Variants in MFN1 observed in about 807,000 individuals in gnomAD.
The protein encoded by MFN1 is mitofusin 1, also known as mitofusin-1.
A neutral mutation model predicts 92.4 loss-of-function variants in MFN1; 65 were observed. The observed-to-expected ratio is 0.70, with a 90% CI of 0.58 to 0.86. The LOEUF (loss-of-function observed/expected upper bound fraction) is 0.86, where lower values mean the gene tolerates loss of function less well. MFN1 is among the 40% of genes least tolerant of loss of function. The pLI is 0.00. For missense variants in MFN1, 781 were observed against 868.0 expected, an observed-to-expected ratio of 0.90 and a Z score of 1.26; for synonymous variants, 297 against 300.9, an observed-to-expected ratio of 0.99 and a Z score of 0.13.
rs887145451 is a variant in MFN1, at chr3:179,381,311, CTTA to C, written c.1662+2502_1662+2504del. Reference sequence around the variant, plus strand: ...TTTAAAAGGCCATTCAGCACAATGTCTTATTATGCCGAGAGGACCCACTTCTTG... The same window carrying C: ...TTTAAAAGGCCATTCAGCACAATGTCTTATGCCGAGAGGACCCACTTCTTG... On this transcript the variant is annotated intron_variant, in intron 14 of 17. Transcript: ENST00000471841. Among the ~76,000 whole-genome samples, 6 of 152,334 alleles carry C rather than the reference CTTA, an allele frequency of 3.9e-5. No individual in the cohort carries two copies. The South Asian group carries it at 8.3e-4, about 21-fold the overall frequency.
intron 16 of MFN1, among the ~76,000 whole-genome samples, chr3:179,387,619 A>G (rs1713739912): frequency 9.7e-6 from 1 of 102,626 alleles, no homozygotes; most frequent in African/African-American, 3.9e-5. Flanking sequence ...TTTTTCTGAG[A>G]TGGAGTCTCA....
intron 3 of MFN1, among the ~76,000 whole-genome samples, chr3:179,357,490 G>C (rs187917662): frequency 5.8e-4 from 88 of 152,278 alleles, no homozygotes; most frequent in Non-Finnish European, 1.1e-3. Context: ...AGGCAAGAAG[G>C]TTCCCTGGGA....
chr3:179,372,820 TA>T (rs1375818971), intron 9 of MFN1, among the ~76,000 whole-genome samples: 1 of 152,208 alleles, frequency 6.6e-6, no homozygotes, highest in Non-Finnish European at 1.5e-5. Context: ...TTTTTCCTTT[TA>T]AAAATATTTT....
intron 15 of MFN1, 79 bp downstream of exon 15, chr3:179,385,800 A>T (rs1713665236): frequency 7.5e-7 from 1 of 1,327,438 alleles, no homozygotes; most frequent in Admixed American, 2.0e-5. Context: ...GAAAAGGTAT[A>T]CAGTATTTAC....
At chr3:179,388,358 A>G (rs556114383) in intron 16 of MFN1, among the ~76,000 whole-genome samples, 2 of 152,358 alleles carry the variant, frequency 1.3e-5, no homozygotes, top group African/African-American at 2.4e-5. Flanking sequence ...GTTCAAATGT[A>G]TACGTTAAAT....
chr3:179,374,043 T>G (rs1264153760), intron 9 of MFN1, among the ~76,000 whole-genome samples: 1 of 151,418 alleles, frequency 6.6e-6, no homozygotes, highest in Non-Finnish European at 1.5e-5. Flanking sequence ...TGGCTCACTC[T>G]TGTAATCCTA....
chr3:179,364,613 T>TA (rs1200951438), intron 6 of MFN1, among the ~76,000 whole-genome samples: 2 of 152,196 alleles, frequency 1.3e-5, no homozygotes, highest in Non-Finnish European at 2.9e-5. Context: ...TCTAGCAGTA[T>TA]AGGGCTTGAT....
At chr3:179,351,848 C>A in intron 2 of MFN1, 52 bp from the exon 3 acceptor site, 2 of 1,520,278 alleles carry the variant, frequency 1.3e-6, no homozygotes, top group Non-Finnish European at 1.8e-6. Flanking sequence ...CATTATATAA[C>A]TAACTTAATA....
chr3:179,386,538 G>A lies in MFN1; in HGVS notation c.1921G>A (p.Ala641Thr). The A allele has an allele frequency of 1.2e-6, 2 of 1,614,070 alleles. No individual in the cohort carries two copies. The highest frequency in any genetic ancestry group is 1.7e-6 in the Non-Finnish European group (2 of 1,179,982). ...CTGGACCACCCATGCCAAGGAGCGAGCCTTTAAACAGCAGTTTGTAAACTA... is the reference window on the plus strand; with the variant it reads ...CTGGACCACCCATGCCAAGGAGCGAACCTTTAAACAGCAGTTTGTAAACTA... ...LSWTTHAKER[A>T]FKQQFVNYAT... is the part of the protein sequence containing the mutation. Residue 641 changes from alanine (A) to threonine (T), a missense_variant, in exon 16 of 18, where the codon GCC (alanine) becomes ACC (threonine). Transcript: ENST00000471841.
At chr3:179,357,283 T>G (rs1310949227) in intron 3 of MFN1, among the ~76,000 whole-genome samples, 1 of 152,204 alleles carries the variant, frequency 6.6e-6, no homozygotes, top group East Asian at 1.9e-4. Flanking sequence ...GCCTGATTAT[T>G]AATGAGCTAC....
rs575310683 is a variant in MFN1, at chr3:179,362,421, C to T, written c.475C>T (p.Arg159Cys). The T allele has an allele frequency of 9.9e-5, 159 of 1,613,608 alleles. No homozygotes were observed. Among genetic ancestry groups the T allele is most frequent in the East Asian group, 2.7e-4 (12 of 44,880 alleles). Reference protein sequence around the residue: ...DKDLKAGCLVRVFWPKAKCAL... With the variant: ...DKDLKAGCLVCVFWPKAKCAL... ...AGATTTGAAAGCTGGCTGTCTTGTACGTGTGTTTTGGCCAAAAGCAAAATG... is the reference window on the plus strand; with the variant it reads ...AGATTTGAAAGCTGGCTGTCTTGTATGTGTGTTTTGGCCAAAAGCAAAATG... Residue 159 changes from arginine to cysteine, a missense_variant, in exon 5 of 18, where the codon CGT (arginine) becomes TGT (cysteine). By Grantham distance (180) the Arg-to-Cys change is radical. Coordinates refer to ENST00000471841, the MANE Select transcript of MFN1 (RefSeq NM_033540.3).
chr3:179,391,412 AGCC>A (rs1251434804), intron 17 of MFN1, among the ~76,000 whole-genome samples: 2 of 152,190 alleles, frequency 1.3e-5, no homozygotes, highest in African/African-American at 4.8e-5. Flanking sequence ...GATTAGGCTC[AGCC>A]ATTTGGATAG....
intron 4 of MFN1, among the ~76,000 whole-genome samples, chr3:179,361,712 T>C (rs898206122): frequency 6.6e-5 from 10 of 152,114 alleles, no homozygotes; most frequent in Non-Finnish European, 1.0e-4. Context: ...AATTTTTGTA[T>C]TTTTTGTAGA....
chr3:179,349,082 A>G (rs1457031743), intron 2 of MFN1, 119 bp downstream of exon 2: 1 of 696,226 alleles, frequency 1.4e-6, no homozygotes, highest in East Asian at 2.8e-5. Context: ...TATGAGAAGT[A>G]CCATAATGAA....
Position 179,367,537 on chromosome 3 carries a change from A to C in MFN1, c.852A>C (p.Ser284=), listed in dbSNP as rs2108537559. 1 of 1,613,854 alleles carries C rather than the reference A, an allele frequency of 6.2e-7. No individual in the cohort carries two copies. The highest frequency in any genetic ancestry group is 2.2e-5 in the East Asian group (1 of 44,858). ...LEAQNRIFFV[S]AKEVLSARKQ... is the part of the protein sequence containing the mutation. ...CACAGAATCGTATCTTCTTTGTTTC[A>C]GCAAAGGAAGTTCTTAGTGCTAGAA... is the stretch of plus-strand genomic sequence containing the variant. Residue 284 remains serine, a synonymous_variant, in exon 8 of 18, where the codon TCA becomes TCC. Coordinates refer to ENST00000471841, the MANE Select transcript of MFN1 (RefSeq NM_033540.3).
chr3:179,376,915 A>ATTACT, intron 10 of MFN1, 127 bp from the exon 11 acceptor site: 3 of 785,592 alleles, frequency 3.8e-6, no homozygotes, highest in Non-Finnish European at 5.8e-6. Flanking sequence ...ATCCTTTGAG[A>ATTACT]TGTTACAAGT....
At chr3:179,375,493 C>T (rs1039363216) in intron 10 of MFN1, 152 bp downstream of exon 10, 40 of 911,600 alleles carry the variant, frequency 4.4e-5, no homozygotes, top group South Asian at 2.8e-4. Context: ...TTTTTAAGTG[C>T]GTATTTGAAA....
At chr3:179,363,826 A>C (rs1712678363) in intron 5 of MFN1, among the ~76,000 whole-genome samples, 1 of 152,196 alleles carries the variant, frequency 6.6e-6, no homozygotes, top group Admixed American at 6.5e-5. Flanking sequence ...CTTGTATCAA[A>C]ATACTTCATA....
intron 17 of MFN1, among the ~76,000 whole-genome samples, chr3:179,390,523 A>G (rs1713859457): frequency 6.6e-6 from 1 of 152,210 alleles, no homozygotes; most frequent in Admixed American, 6.5e-5. Context: ...ATGGGGGACT[A>G]TTGATTATGT....
Sources: allele counts gnomAD v4.1 joint callset (sites outside exome capture counted in the v4.1 genomes callset), GRCh38; gene constraint gnomAD v4.1.1; transcripts MANE v1.5; gene names NCBI Gene and HGNC (gene_info 2026-07-23, HGNC 2026-07-21).